The following FHIT variants were observed in gnomAD, a reference collection of about 807,000 sequenced individuals.
The protein encoded by FHIT is fragile histidine triad diadenosine triphosphatase.
In FHIT, 19 loss-of-function variants were observed where a neutral mutation model predicts 17.9. That is an observed-to-expected ratio of 1.06 (90% CI 0.74 to 1.56). FHIT has a LOEUF of 1.56. Among genes scored for constraint, FHIT ranks in the 40% most tolerant of loss-of-function variants. The probability of loss-of-function intolerance (pLI) is 0.00; values close to 1 mark genes in which losing one functional copy is unlikely to be tolerated. For synonymous variants in FHIT, 81 were observed against 69.7 expected, an observed-to-expected ratio of 1.16 and a Z score of -0.81; for missense variants, 248 against 189.2, an observed-to-expected ratio of 1.31 and a Z score of -1.82.
chr3:60,129,615 G>A (rs1410161533), intron 5 of FHIT, among the ~76,000 whole-genome samples: 4 of 152,084 alleles, frequency 2.6e-5, no homozygotes, highest in Non-Finnish European at 5.9e-5. Flanking sequence ...AAAGTCCTAG[G>A]AGATGCCCTA....
At chr3:60,904,646 T>A (rs147560197) in intron 3 of FHIT, among the ~76,000 whole-genome samples, 188 of 152,138 alleles carry the variant, frequency 1.2e-3, no homozygotes, top group African/African-American at 4.4e-3. Context: ...CTAATATATA[T>A]TTTAAAATTC....
chr3:59,823,953 A>G (rs534342378), intron 8 of FHIT, among the ~76,000 whole-genome samples: 2 of 152,344 alleles, frequency 1.3e-5, no homozygotes, highest in East Asian at 3.9e-4. Context: ...GAAACCCTAA[A>G]GACTCATCCA....
chr3:60,567,837 C>T (rs2037196705), intron 4 of FHIT, among the ~76,000 whole-genome samples: 2 of 152,152 alleles, frequency 1.3e-5, no homozygotes, highest in Non-Finnish European at 2.9e-5. Flanking sequence ...ATTTATGCAG[C>T]CAAAAGACAC....
intron 4 of FHIT, among the ~76,000 whole-genome samples, chr3:60,563,497 C>T (rs902513658): frequency 4.6e-5 from 7 of 152,188 alleles, no homozygotes; most frequent in African/African-American, 1.7e-4. Context: ...AGAAGGCATG[C>T]CAGAAGCCAA....
chr3:59,841,081 T>A (rs1701517292), intron 8 of FHIT, among the ~76,000 whole-genome samples: 1 of 152,220 alleles, frequency 6.6e-6, no homozygotes, highest in Non-Finnish European at 1.5e-5. Flanking sequence ...TTTTTACCTC[T>A]GAAGGTCAAG....
intron 2 of FHIT, among the ~76,000 whole-genome samples, chr3:61,098,468 G>C (rs1050027724): frequency 1.3e-5 from 2 of 151,980 alleles, no homozygotes; most frequent in African/African-American, 4.8e-5. Flanking sequence ...AAAATAGTTT[G>C]TTTCTAGTTC....
Position 60,855,502 on chromosome 3 carries a change from G to C in FHIT, c.-110-33491C>G, listed in dbSNP as rs116115983. ...CCAAAAGAGGAAAGAGCCTGAGTAT[G>C]AAAGACACTGGGTCCTTTATGATAT... On this transcript the variant is annotated intron_variant, in intron 3 of 9. Transcript: ENST00000492590. 2.4e-3 allele frequency among the ~76,000 whole-genome samples: 369 copies of C among 152,228 alleles called. 8 individuals are homozygous for C. Among genetic ancestry groups the C allele is most frequent in the African/African-American group, 8.2e-3 (341 of 41,538 alleles).
intron 4 of FHIT, among the ~76,000 whole-genome samples, chr3:60,551,933 A>C (rs964500115): frequency 2.0e-5 from 3 of 151,940 alleles, no homozygotes; most frequent in Non-Finnish European, 4.4e-5. Flanking sequence ...ATAACTACCT[A>C]ATTCAGAACA....
chr3:59,755,839 A>AAAAC (rs60658839), intron 8 of FHIT, among the ~76,000 whole-genome samples: 22,925 of 152,172 alleles, frequency 0.15, 2,073 homozygotes, highest in African/African-American at 0.25. Context: ...AACGTTATGA[A>AAAAC]AAACAGTGAT....
At chr3:60,948,997 G>A (rs1553776460) in intron 3 of FHIT, among the ~76,000 whole-genome samples, 2 of 151,758 alleles carry the variant, frequency 1.3e-5, no homozygotes, top group South Asian at 2.1e-4. Context: ...ACCTTACTTT[G>A]CAACATTAAA....
chr3:60,505,624 T>C (rs1385117316), intron 5 of FHIT, among the ~76,000 whole-genome samples: 1 of 152,196 alleles, frequency 6.6e-6, no homozygotes, highest in African/African-American at 2.4e-5. Flanking sequence ...TCTTCCAGCA[T>C]ATTTTATGAT....
At chr3:61,208,521 A>G (rs1560075729) in intron 1 of FHIT, among the ~76,000 whole-genome samples, 1 of 152,106 alleles carries the variant, frequency 6.6e-6, no homozygotes, top group Non-Finnish European at 1.5e-5. Context: ...ATATATATTT[A>G]GGATAGTTAG....
chr3:60,874,581 A>T (rs1704561078), intron 3 of FHIT, among the ~76,000 whole-genome samples: 1 of 152,210 alleles, frequency 6.6e-6, no homozygotes, highest in Non-Finnish European at 1.5e-5. Flanking sequence ...AGTCCTGTTT[A>T]GAACAAGTAA....
chr3:60,090,374 G>A (rs1330091253), intron 5 of FHIT, among the ~76,000 whole-genome samples: 1 of 152,148 alleles, frequency 6.6e-6, no homozygotes, highest in African/African-American at 2.4e-5. Context: ...AAGCCCTAAT[G>A]AGTTCAAAAG....
intron 1 of FHIT, among the ~76,000 whole-genome samples, chr3:61,243,155 C>A (rs1243960660): frequency 1.3e-5 from 2 of 152,142 alleles, no homozygotes; most frequent in African/African-American, 2.4e-5. Context: ...GCGGTTAGGT[C>A]AGATCTCTTT....
intron 3 of FHIT, among the ~76,000 whole-genome samples, chr3:60,980,158 T>C (rs1019027912): frequency 6.6e-6 from 1 of 152,190 alleles, no homozygotes; most frequent in East Asian, 1.9e-4. Context: ...CAACATTCTT[T>C]AGAAAACATT....
chr3:59,753,171 C>G (rs1410502192), intron 8 of FHIT, among the ~76,000 whole-genome samples: 1 of 152,018 alleles, frequency 6.6e-6, no homozygotes, highest in East Asian at 1.9e-4. Context: ...CAGTTTTGTT[C>G]AGTGAACCAA....
rs200182600 is a variant in FHIT at position 60,272,119 on chromosome 3, G to T, written c.104-257967C>A. On this transcript the variant is annotated intron_variant, in intron 5 of 9. Coordinates refer to ENST00000492590, the MANE Select transcript of FHIT (RefSeq NM_002012.4). ...CCCGTATTCTAGTCCTCTCATGAAG[G>T]CTTGCTGATGGTCTAGCACATCCTT... 3.3e-4 allele frequency among the ~76,000 whole-genome samples: 50 copies of T among 152,306 alleles called. No homozygotes were observed. In the East Asian group the frequency reaches 9.5e-3, roughly 29 times the overall value.
intron 4 of FHIT, among the ~76,000 whole-genome samples, chr3:60,666,079 T>C (rs534419500): frequency 8.9e-4 from 136 of 152,298 alleles, no homozygotes; most frequent in Non-Finnish European, 1.8e-3. Context: ...TAACATTGAA[T>C]TGAGTATCAG....
Sources: allele counts gnomAD v4.1 joint callset (sites outside exome capture counted in the v4.1 genomes callset), GRCh38; gene constraint gnomAD v4.1.1; transcripts MANE v1.5; gene names NCBI Gene and HGNC (gene_info 2026-07-23, HGNC 2026-07-21).